Variants in OVGP1 observed in about 807,000 individuals in gnomAD.
OVGP1 encodes the protein oviductal glycoprotein 1, also known as oviduct-specific glycoprotein.
In OVGP1, 26 loss-of-function variants were observed where a neutral mutation model predicts 48.2. The observed-to-expected ratio is 0.54, with a 90% CI of 0.40 to 0.75. OVGP1 has a LOEUF of 0.75. Among genes scored for constraint, OVGP1 ranks in the 30% least tolerant of loss-of-function variants. The probability of loss-of-function intolerance (pLI) is 0.00; values close to 1 mark genes in which losing one functional copy is unlikely to be tolerated. For synonymous variants in OVGP1, 294 were observed against 305.7 expected (o/e 0.96, Z 0.40); for missense variants, 791 against 820.6 (o/e 0.96, Z 0.44).
In OVGP1 at chr1:111,427,048, C is replaced by A. The variant is rs1325037366; in HGVS notation, c.55+14G>T. 1 of 1,612,120 alleles carries A rather than the reference C, an allele frequency of 6.2e-7. No individual in the cohort carries two copies. Among genetic ancestry groups the A allele is most frequent in the East Asian group, 2.2e-5 (1 of 44,880 alleles). On this transcript the variant is annotated intron_variant, in intron 2 of 10. Coordinates refer to ENST00000369732, the MANE Select transcript of OVGP1 (RefSeq NM_002557.4). The stretch of plus-strand genomic sequence containing the variant: ...CTCTCCCTGGCTCTGGAAGGGAAAA[C>A]ACAGTTTCCTTACCATCGTGGTGTT...
chr1:111,423,615 G>A lies in OVGP1; in HGVS notation c.411C>T (p.Asp137=). ...LLRTHDFDGL[D]LFFLYPGLRG... is the part of the protein sequence containing the mutation. ...TTAGTCCAGGATATAAGAAGAAAAG[G>A]TCAAGACCATCAAAGTCATGTGTCC... is the stretch of plus-strand genomic sequence containing the variant. Residue 137 remains aspartate, a synonymous_variant, in exon 5 of 11, where the codon GAC becomes GAT. Transcript: ENST00000369732. The A allele has an allele frequency of 6.2e-7, 1 of 1,614,194 alleles. No individual in the cohort carries two copies. The highest frequency in any genetic ancestry group is 8.5e-7 in the Non-Finnish European group (1 of 1,180,016).
At chr1:111,425,491 AG>A in intron 3 of OVGP1, 52 bp from the exon 4 acceptor site, 2 of 1,612,214 alleles carry the variant, frequency 1.2e-6, no homozygotes, top group South Asian at 2.2e-5. Context: ...TCCGGTGGGC[AG>A]CTGCTGCCAC....
intron 8 of OVGP1, among the ~76,000 whole-genome samples, 186 bp downstream of exon 8, chr1:111,421,090 G>T (rs544998015): frequency 1.4e-4 from 21 of 152,074 alleles, no homozygotes; most frequent in Admixed American, 5.9e-4. Context: ...CCCTTACAAA[G>T]GACTCAAATA....
intron 9 of OVGP1, among the ~76,000 whole-genome samples, chr1:111,419,027 G>A (rs962837758): frequency 6.6e-6 from 1 of 152,324 alleles, no homozygotes; most frequent in South Asian, 2.1e-4. Context: ...TCATCCACCT[G>A]TAGAAACCTG....
rs1429596128 is a variant in OVGP1, at chr1:111,426,527, G to A, written c.170C>T (p.Ala57Val). 3 of 1,614,126 alleles carry A rather than the reference G, an allele frequency of 1.9e-6. No homozygotes were observed. The highest frequency in any genetic ancestry group is 3.3e-5 in the Admixed American group (2 of 60,022). Reference protein sequence around the residue: ...DPFLCTHLIFAFASMNNNQIV... With the variant: ...DPFLCTHLIFVFASMNNNQIV... ...CTGATTGTTGTTCATTGAGGCAAAGGCAAATATCAGGTGGGTGCAGAGAAA... is the reference window on the plus strand; with the variant it reads ...CTGATTGTTGTTCATTGAGGCAAAGACAAATATCAGGTGGGTGCAGAGAAA... The change falls in exon 3 of 11, where the codon GCC becomes GTC. Residue 57 changes from alanine (A) to valine (V), a missense_variant. Transcript: ENST00000369732.
Position 111,414,643 on chromosome 1 carries a change from T to C in OVGP1, c.1858A>G (p.Met620Val). The change falls in exon 11 of 11, where the codon ATG (methionine) becomes GTG (valine). Residue 620 changes from methionine to valine, a missense_variant. Coordinates refer to ENST00000369732, the MANE Select transcript of OVGP1 (RefSeq NM_002557.4). Reference protein sequence around the residue: ...LGLQMEAENRMMLSSSPVIQL... With the variant: ...LGLQMEAENRVMLSSSPVIQL... ...ATGACGGGGCTGGAGGACAGCATCA[T>C]CCTGTTTTCAGCTTCCATCTGAAGA... 1 of 1,614,188 alleles carries C rather than the reference T, an allele frequency of 6.2e-7. No homozygotes were observed. Among genetic ancestry groups the C allele is most frequent in the African/African-American group, 1.3e-5 (1 of 75,038 alleles).
At chr1:111,415,368 A>G in intron 10 of OVGP1, 24 bp from the exon 11 acceptor site, 4 of 1,586,890 alleles carry the variant, frequency 2.5e-6, no homozygotes, top group Non-Finnish European at 2.6e-6. Flanking sequence ...ACAGAAAAGA[A>G]TGAGATTCCT....
At chr1:111,423,310 A>T (rs1652319935) in intron 5 of OVGP1, among the ~76,000 whole-genome samples, 1 of 152,218 alleles carries the variant, frequency 6.6e-6, no homozygotes, top group African/African-American at 2.4e-5. Context: ...GAGTGCAGGG[A>T]GCTGCAGAGA....
chr1:111,415,377 C>T (rs1652108877), intron 10 of OVGP1, 33 bp from the exon 11 acceptor site: 2 of 1,569,606 alleles, frequency 1.3e-6, no homozygotes. Context: ...AATGAGATTC[C>T]TACCACTTCA....
intron 1 of OVGP1, 35 bp downstream of exon 1, chr1:111,427,662 G>T: frequency 6.2e-7 from 1 of 1,611,410 alleles, no homozygotes; most frequent in South Asian, 1.1e-5. Flanking sequence ...GCACTTCCTG[G>T]ACTGAGTGAC....
intron 6 of OVGP1, among the ~76,000 whole-genome samples, chr1:111,422,142 A>G (rs551391719): frequency 6.6e-6 from 1 of 152,336 alleles, no homozygotes; most frequent in East Asian, 1.9e-4. Flanking sequence ...TAGTGTAACT[A>G]TCTCCATTTT....
At position 111,427,065 on chromosome 1, in the gene OVGP1, C is replaced by G. The variant is rs755220075; in HGVS notation, c.52G>C (p.Asp18His). 3.7e-6 allele frequency: 6 copies of G among 1,614,100 alleles called. No homozygotes were observed. The South Asian group carries it at 5.5e-5, about 15-fold the overall frequency. ...VGLVLVLKHH[D>H]GAAHKLVCYF... is the part of the protein sequence containing the mutation. ...AGGGAAAACACAGTTTCCTTACCAT[C>G]GTGGTGTTTCAGCACAAGAACCAGC... Residue 18 changes from aspartate (D) to histidine (H), a missense_variant, in exon 2 of 11, where the codon GAT (aspartate) becomes CAT (histidine). Physicochemically the swap from Asp to His is moderately conservative, Grantham distance 81. Coordinates refer to ENST00000369732, the MANE Select transcript of OVGP1 (RefSeq NM_002557.4).
rs781742935 is a variant in OVGP1, at chr1:111,421,634, A to G, written c.648T>C (p.His216=). 7.4e-6 allele frequency: 12 copies of G among 1,612,682 alleles called. No individual in the cohort carries two copies. Among genetic ancestry groups the G allele is most frequent in the Admixed American group, 5.0e-5 (3 of 60,006 alleles). The part of the protein sequence containing the change: ...DFINVLSYDL[H]GSWERFTGHN... ...GTCCTGTGAACCTTTCCCAACTTCC[A>G]TGTAAGTCATAAGACAAGACATTGA... Residue 216 remains histidine, a synonymous_variant, in exon 7 of 11, where the codon CAT becomes CAC. Transcript: ENST00000369732.
intron 2 of OVGP1, 60 bp downstream of exon 2, chr1:111,427,002 G>A (rs1652416324): frequency 2.5e-6 from 4 of 1,613,202 alleles, no homozygotes; most frequent in Non-Finnish European, 3.4e-6. Flanking sequence ...CACTCAATGT[G>A]GAGGACTTCT....
At chr1:111,421,084 T>G (rs1652255575) in intron 8 of OVGP1, among the ~76,000 whole-genome samples, 192 bp downstream of exon 8, 1 of 152,114 alleles carries the variant, frequency 6.6e-6, no homozygotes, top group Non-Finnish European at 1.5e-5. Context: ...CTTCGTCCCT[T>G]ACAAAGGACT....
chr1:111,414,376 C>T lies in OVGP1; in HGVS notation c.*88G>A, dbSNP rs1652065685. The T allele has an allele frequency of 8.3e-6, 10 of 1,206,116 alleles. No homozygotes were observed. In the South Asian group the frequency reaches 1.4e-4, roughly 17 times the overall value. The allele number at this position is 1,206,116 out of a possible 1,614,324, so 74.7% of individuals were successfully genotyped here. A position where few individuals can be genotyped will look rare whatever the true frequency, so the allele number is the denominator to read the frequency against. On this transcript the variant is annotated 3_prime_UTR_variant, in exon 11 of 11. Transcript: ENST00000369732. ...AGATTGGCCTATTCTGGTTTTGATG[C>T]CTGCTTTGCCCCGGGATGAGAAGGC... is the stretch of plus-strand genomic sequence containing the variant.
At chr1:111,424,067 T>G (rs1652340547) in intron 4 of OVGP1, among the ~76,000 whole-genome samples, 1 of 152,196 alleles carries the variant, frequency 6.6e-6, no homozygotes, top group African/African-American at 2.4e-5. Flanking sequence ...GCACTGCCCC[T>G]CTCTGTGCTG....
rs1325908911 is a variant in OVGP1, at chr1:111,426,624, C to T, written c.73G>A (p.Val25Met). ...KHHDGAAHKLVCYFTNWAHSR... is the reference protein window; with the variant it reads ...KHHDGAAHKLMCYFTNWAHSR... Reference sequence around the variant, plus strand: ...TGTGCCCAGTTGGTGAAATAACACACGAGTTTATGGGCAGCACCTGGTAAG... The same window carrying T: ...TGTGCCCAGTTGGTGAAATAACACATGAGTTTATGGGCAGCACCTGGTAAG... The change falls in exon 3 of 11, where the codon GTG (valine) becomes ATG (methionine). Residue 25 changes from valine (V) to methionine (M), a missense_variant. Transcript: ENST00000369732. 12 of 1,613,932 alleles carry T rather than the reference C, an allele frequency of 7.4e-6. No individual in the cohort carries two copies. Among genetic ancestry groups the T allele is most frequent in the Middle Eastern group, 1.6e-4 (1 of 6,062 alleles).
chr1:111,427,665 T>TGAGTGAC lies in OVGP1; in HGVS notation c.25+25_25+31dup, dbSNP rs754249121. On this transcript the variant is annotated intron_variant, in intron 1 of 10. Coordinates refer to ENST00000369732, the MANE Select transcript of OVGP1 (RefSeq NM_002557.4). ...TCATAAAGCCTGGCACTTCCTGGAC[T>TGAGTGAC]GAGTGACACTGCTGGGACCTGCCAC... 7.4e-6 allele frequency: 12 copies of TGAGTGAC among 1,611,886 alleles called. No homozygotes were observed. The South Asian group carries it at 1.2e-4, about 16-fold the overall frequency.
Sources: gnomAD v4.1 joint callset for allele counts (sites outside exome capture counted in the v4.1 genomes callset) on GRCh38, gnomAD v4.1.1 for gene constraint, MANE v1.5 for transcripts, NCBI Gene and HGNC (gene_info 2026-07-23, HGNC 2026-07-21) for gene names.